The following PTPRD variants were observed in gnomAD, a reference collection of about 807,000 sequenced individuals.
PTPRD encodes receptor-type tyrosine-protein phosphatase delta.
A neutral mutation model predicts 214.5 loss-of-function variants in PTPRD; 34 were observed. That is an observed-to-expected ratio of 0.16 (90% CI 0.12 to 0.21). PTPRD has a LOEUF of 0.21. PTPRD is among the 10% of genes least tolerant of loss of function. PTPRD has a pLI of 1.00. For synonymous variants in PTPRD, 1,128 were observed against 845.7 expected (o/e 1.33, Z -5.79); for missense variants, 2,545 against 2,398.7 (o/e 1.06, Z -1.27).
intron 9 of PTPRD, among the ~76,000 whole-genome samples, chr9:9,212,443 G>C (rs893464763): frequency 6.6e-6 from 1 of 152,052 alleles, no homozygotes; most frequent in Non-Finnish European, 1.5e-5. Flanking sequence ...TCACTATTTA[G>C]TCAGTCTGTT....
chr9:10,274,071 G>A (rs1408511305), intron 3 of PTPRD, among the ~76,000 whole-genome samples: 5 of 151,986 alleles, frequency 3.3e-5, no homozygotes, highest in Non-Finnish European at 1.5e-5. Context: ...GTGGGTTTCT[G>A]TTTCTTCAGG....
At chr9:10,196,118 C>T (rs747329363) in intron 3 of PTPRD, among the ~76,000 whole-genome samples, 4 of 152,100 alleles carry the variant, frequency 2.6e-5, no homozygotes, top group Admixed American at 2.0e-4. Flanking sequence ...AGACTATATA[C>T]ACTTATCAAA....
intron 10 of PTPRD, among the ~76,000 whole-genome samples, chr9:9,056,833 T>G (rs551762859): frequency 1.3e-5 from 2 of 152,236 alleles, no homozygotes. Flanking sequence ...CAGATTATTT[T>G]TAAGTGAACA....
chr9:9,907,485 T>C (rs76693354), intron 5 of PTPRD, among the ~76,000 whole-genome samples: 4,428 of 151,984 alleles, frequency 0.029, 206 homozygotes, highest in African/African-American at 0.1. Context: ...CTTCTTACTA[T>C]GTCCTCACAT....
Position 8,803,229 on chromosome 9 carries a change from T to C in PTPRD, c.-103-69283A>G, listed in dbSNP as rs568992026. On this transcript the variant is annotated intron_variant, in intron 11 of 45. Coordinates refer to ENST00000381196, the MANE Select transcript of PTPRD (RefSeq NM_002839.4). ...AATGAGTACACACATCTGAAAGTGT[T>C]TGTGAAAAAAAGTCCCCTTCTCTCT... is the stretch of plus-strand genomic sequence containing the variant. Among the ~76,000 whole-genome samples the C allele has an allele frequency of 3.4e-4, 51 of 152,172 alleles. No individual in the cohort carries two copies. The South Asian group carries it at 8.3e-3, about 25-fold the overall frequency.
chr9:8,541,824 G>T (rs1285789727), intron 14 of PTPRD, among the ~76,000 whole-genome samples: 3 of 152,040 alleles, frequency 2.0e-5, no homozygotes, highest in Admixed American at 6.6e-5. Context: ...TCTATCAAAA[G>T]AATATCATAT....
At chr9:8,588,359 G>T (rs1048290217) in intron 14 of PTPRD, among the ~76,000 whole-genome samples, 3 of 152,226 alleles carry the variant, frequency 2.0e-5, no homozygotes, top group Non-Finnish European at 2.9e-5. Flanking sequence ...ACATTTCTTT[G>T]TGTCACAGTC....
intron 12 of PTPRD, among the ~76,000 whole-genome samples, chr9:8,699,130 T>C (rs1296461129): frequency 1.3e-5 from 2 of 152,216 alleles, no homozygotes; most frequent in Non-Finnish European, 2.9e-5. Context: ...GAATTTATGA[T>C]CCTTTGAGTA....
At chr9:10,184,669 G>A (rs2099320489) in intron 3 of PTPRD, among the ~76,000 whole-genome samples, 1 of 152,278 alleles carries the variant, frequency 6.6e-6, no homozygotes, top group African/African-American at 2.4e-5. Context: ...CATACTCTTA[G>A]TTCCTTCCCC....
Position 9,016,036 on chromosome 9 carries a change from C to T in PTPRD, c.-104+2661G>A, listed in dbSNP as rs2099533655. Among the ~76,000 whole-genome samples the T allele has an allele frequency of 2.0e-5, 3 of 152,212 alleles. No homozygotes were observed. In the South Asian group the frequency reaches 6.2e-4, roughly 32 times the overall value. On this transcript the variant is annotated intron_variant, in intron 11 of 45. Coordinates refer to ENST00000381196, the MANE Select transcript of PTPRD (RefSeq NM_002839.4). The stretch of plus-strand genomic sequence containing the variant: ...CAGGACTTGAGGAATTTGCTGTTAA[C>T]TGCCAAAGGAGGAAAGAGTTGTAGG...
rs558522427 is a variant in PTPRD, at chr9:9,687,712, A to C, written c.-287+46821T>G. Among the ~76,000 whole-genome samples the C allele has an allele frequency of 3.9e-5, 6 of 151,932 alleles. No individual in the cohort carries two copies. The East Asian group carries it at 1.2e-3, about 29-fold the overall frequency. On this transcript the variant is annotated intron_variant, in intron 7 of 45. Transcript: ENST00000381196. The stretch of plus-strand genomic sequence containing the variant: ...ATGCCTTCTCTGAAATCATGAAATC[A>C]AGATTCTATTTTCATTTTATTGGTC...
chr9:9,569,241 T>C (rs530917846), intron 8 of PTPRD, among the ~76,000 whole-genome samples: 1 of 151,450 alleles, frequency 6.6e-6, no homozygotes, highest in East Asian at 1.9e-4. Context: ...ATTAAAACCA[T>C]TGATTAAATG....
At chr9:10,312,029 T>C (rs1052491358) in intron 3 of PTPRD, among the ~76,000 whole-genome samples, 3 of 151,956 alleles carry the variant, frequency 2.0e-5, no homozygotes, top group Non-Finnish European at 2.9e-5. Flanking sequence ...CAATAAGGTC[T>C]CATCTCACCT....
chr9:9,140,733 C>G (rs1353544556), intron 10 of PTPRD, among the ~76,000 whole-genome samples: 1 of 152,200 alleles, frequency 6.6e-6, no homozygotes, highest in African/African-American at 2.4e-5. Flanking sequence ...TGCCCGCCAC[C>G]ACGCCCGGCT....
intron 3 of PTPRD, among the ~76,000 whole-genome samples, chr9:10,115,545 A>C (rs1225024488): frequency 6.6e-6 from 1 of 152,104 alleles, no homozygotes; most frequent in African/African-American, 2.4e-5. Flanking sequence ...CCATGTTTTA[A>C]TGTCCAGAAC....
chr9:8,428,426 C>T (rs1175186070), intron 35 of PTPRD, among the ~76,000 whole-genome samples: 4 of 152,128 alleles, frequency 2.6e-5, no homozygotes, highest in Admixed American at 1.3e-4. Flanking sequence ...TTTTCTCATT[C>T]CATTACCAAA....
rs116053633 is a variant in PTPRD at position 8,464,603 on chromosome 9, C to T, written c.3714+863G>A. Among the ~76,000 whole-genome samples, 1,006 of 151,958 alleles carry T rather than the reference C, an allele frequency of 6.6e-3. 11 individuals carry two copies. The highest frequency in any genetic ancestry group is 0.023 in the African/African-American group (947 of 41,492). On this transcript the variant is annotated intron_variant, in intron 32 of 45. Coordinates refer to ENST00000381196, the MANE Select transcript of PTPRD (RefSeq NM_002839.4). ...TGACTGGCTCAACTGGGTTGCCACA[C>T]CTGTCATATTTAGACACCGATTAGA...
At position 9,081,928 on chromosome 9, in the gene PTPRD, T is replaced by C. The variant is rs145577847; in HGVS notation, c.-142-63193A>G. Among the ~76,000 whole-genome samples the C allele has an allele frequency of 2.6e-5, 4 of 151,636 alleles. No homozygotes were observed. The East Asian group carries it at 7.8e-4, about 30-fold the overall frequency. On this transcript the variant is annotated intron_variant, in intron 10 of 45. Coordinates refer to ENST00000381196, the MANE Select transcript of PTPRD (RefSeq NM_002839.4). ...GTGAGGTGGGTCTTAGTCAAATCCC[T>C]GAATAGACCATAACAAGTTCTGCAA...
chr9:9,732,873 C>T (rs1230048168), intron 7 of PTPRD, among the ~76,000 whole-genome samples: 1 of 151,140 alleles, frequency 6.6e-6, no homozygotes, highest in Non-Finnish European at 1.5e-5. Flanking sequence ...TTCTTGAACC[C>T]AGGAGGCCAG....
Sources: gnomAD v4.1 joint callset for allele counts (sites outside exome capture counted in the v4.1 genomes callset) on GRCh38, gnomAD v4.1.1 for gene constraint, MANE v1.5 for transcripts, NCBI Gene and HGNC (gene_info 2026-07-23, HGNC 2026-07-21) for gene names.